Variants in TMEM254 observed in about 807,000 individuals in gnomAD.
TMEM254 encodes the protein transmembrane protein C10orf57.
A neutral mutation model predicts 13.9 loss-of-function variants in TMEM254; 16 were observed. That is an observed-to-expected ratio of 1.15 (90% CI 0.78 to 1.75). The LOEUF is 1.75. Among genes scored for constraint, TMEM254 ranks in the 40% most tolerant of loss-of-function variants. TMEM254 has a pLI of 0.00. For missense variants in TMEM254, 155 were observed against 149.0 expected (o/e 1.04, Z -0.21); for synonymous variants, 61 against 56.4 (o/e 1.08, Z -0.36).
Position 80,091,926 on chromosome 10 carries a change from T to C in TMEM254, c.*1009T>C, listed in dbSNP as rs1844587893. The C allele has an allele frequency of 6.6e-6, 1 of 152,224 alleles. No individual in the cohort carries two copies. Among genetic ancestry groups the C allele is most frequent in the Admixed American group, 6.5e-5 (1 of 15,280 alleles). The allele number at this position is 152,224 out of a possible 1,614,324, so 9.4% of individuals were successfully genotyped here. Reference sequence around the variant, plus strand: ...GAAACCTTTATCTTTTTCATACCTTTCTATTCTCAATCACTTCTCCAAAAG... The same window carrying C: ...GAAACCTTTATCTTTTTCATACCTTCCTATTCTCAATCACTTCTCCAAAAG... On this transcript the variant is annotated 3_prime_UTR_variant, in exon 4 of 4. Transcript: ENST00000372281.
In TMEM254 at chr10:80,079,049, G is replaced by C. The variant is rs760633428; in HGVS notation, c.87+263G>C. On this transcript the variant is annotated intron_variant, in intron 1 of 3. Coordinates refer to ENST00000372281, the MANE Select transcript of TMEM254 (RefSeq NM_025125.4). ...ATATGGGGGCGGGGACGGCTGGGGA[G>C]CTCCCAGCCAACTCTGTGTCTGGGT... 3 of 1,489,390 alleles carry C rather than the reference G, an allele frequency of 2.0e-6. No homozygotes were observed. The East Asian group carries it at 8.4e-5, about 42-fold the overall frequency. 92.3% of individuals were successfully genotyped at this position (1,489,390 alleles called of 1,614,324 possible).
At chr10:80,088,456 T>C (rs1371037109) in intron 3 of TMEM254, among the ~76,000 whole-genome samples, 1 of 151,872 alleles carries the variant, frequency 6.6e-6, no homozygotes, top group African/African-American at 2.4e-5. Flanking sequence ...TTTTTTTCCT[T>C]AAGGTCAGGA....
chr10:80,080,796 T>TGTG (rs1490929966), intron 1 of TMEM254, among the ~76,000 whole-genome samples: 1 of 149,488 alleles, frequency 6.7e-6, no homozygotes, highest in African/African-American at 2.5e-5. Context: ...ACACACAAAA[T>TGTG]TAGCCATGGG....
At position 80,082,337 on chromosome 10, in the gene TMEM254, A is replaced by C. The variant is rs1844081621; in HGVS notation, c.251+133A>C. The C allele has an allele frequency of 7.1e-6, 7 of 989,422 alleles. No homozygotes were observed. The South Asian group carries it at 1.1e-4, about 15-fold the overall frequency. 61.3% of individuals were successfully genotyped at this position (989,422 alleles called of 1,614,324 possible). ...GGGTAGAGCGGAATCCCCATGCCTG[A>C]TACTGAGCCTGGAGCAGAGGCAGTA... On this transcript the variant is annotated intron_variant, in intron 3 of 3. Coordinates refer to ENST00000372281, the MANE Select transcript of TMEM254 (RefSeq NM_025125.4).
chr10:80,091,789 A>G lies in TMEM254; in HGVS notation c.*872A>G, dbSNP rs766058115. 6.6e-6 allele frequency: 1 copy of G among 152,230 alleles called. No individual in the cohort carries two copies. The highest frequency in any genetic ancestry group is 1.5e-5 in the Non-Finnish European group (1 of 68,046). 9.4% of individuals were successfully genotyped at this position (152,230 alleles called of 1,614,324 possible). A position where few individuals can be genotyped will look rare whatever the true frequency, so the allele number is the denominator to read the frequency against. On this transcript the variant is annotated 3_prime_UTR_variant, in exon 4 of 4. Coordinates refer to ENST00000372281, the MANE Select transcript of TMEM254 (RefSeq NM_025125.4). The stretch of plus-strand genomic sequence containing the variant: ...ATTTCACTTTCACTTGTTCATTATC[A>G]TTCCAATTTTTATGTGAAAATGGCA...
At chr10:80,079,203 C>CGGGGGGGGGGGGG in intron 1 of TMEM254, 1 of 345,660 alleles carries the variant, frequency 2.9e-6, no homozygotes, top group Non-Finnish European at 5.1e-6. Flanking sequence ...TGGGGTGGGG[C>CGGGGGGGGGGGGG]GGGGCGGGCC....
At chr10:80,090,757 A>AT in intron 3 of TMEM254, 40 bp from the exon 4 acceptor site, 1 of 1,594,898 alleles carries the variant, frequency 6.3e-7, no homozygotes, top group Non-Finnish European at 8.5e-7. Flanking sequence ...AAACTGTAAG[A>AT]TTAACATCTC....
At chr10:80,082,289 C>A in intron 3 of TMEM254, 85 bp downstream of exon 3, 1 of 1,470,148 alleles carries the variant, frequency 6.8e-7, no homozygotes. Context: ...AGTTCACACA[C>A]TTGTAGGCTG....
intron 1 of TMEM254, among the ~76,000 whole-genome samples, chr10:80,080,122 G>C (rs767048396): frequency 2.0e-5 from 3 of 152,178 alleles, no homozygotes; most frequent in African/African-American, 7.2e-5. Context: ...CTACGATTTA[G>C]TGTCTGTGAC....
At chr10:80,084,182 C>A (rs984576778) in intron 3 of TMEM254, among the ~76,000 whole-genome samples, 1 of 152,174 alleles carries the variant, frequency 6.6e-6, no homozygotes, top group African/African-American at 2.4e-5. Context: ...TTGGCTCTTT[C>A]TCTCTAGAGG....
In TMEM254 at chr10:80,092,476, A is replaced by C. The variant is rs543287422; in HGVS notation, c.*1559A>C. The C allele has an allele frequency of 6.6e-6, 1 of 152,356 alleles. No individual in the cohort carries two copies. Among genetic ancestry groups the C allele is most frequent in the Admixed American group, 6.5e-5 (1 of 15,310 alleles). 9.4% of individuals were successfully genotyped at this position (152,356 alleles called of 1,614,324 possible). A position where few individuals can be genotyped will look rare whatever the true frequency, so the allele number is the denominator to read the frequency against. ...CTCAAAGAGAAATAATAACAGTAAT[A>C]GTGGTGCTGGGAACAATATGGCAGA... On this transcript the variant is annotated 3_prime_UTR_variant, in exon 4 of 4. Coordinates refer to ENST00000372281, the MANE Select transcript of TMEM254 (RefSeq NM_025125.4).
At chr10:80,082,855 T>C (rs866382833) in intron 3 of TMEM254, among the ~76,000 whole-genome samples, 17 of 152,332 alleles carry the variant, frequency 1.1e-4, no homozygotes, top group Middle Eastern at 3.4e-3. Flanking sequence ...GTTATGGAAA[T>C]GCCAAATTGC....
At chr10:80,086,569 G>A (rs536719278) in intron 3 of TMEM254, 9 of 169,432 alleles carry the variant, frequency 5.3e-5, no homozygotes, top group East Asian at 3.0e-4. Context: ...TTGGCTGGGC[G>A]CGGTGGCTCA....
intron 3 of TMEM254, chr10:80,090,509 C>G: frequency 1.4e-6 from 1 of 708,826 alleles, no homozygotes; most frequent in Non-Finnish European, 2.6e-6. Context: ...GCTTTTTACT[C>G]CATCCGCTCA....
intron 3 of TMEM254, among the ~76,000 whole-genome samples, chr10:80,082,837 A>G (rs1844111475): frequency 1.3e-5 from 2 of 152,218 alleles, no homozygotes; most frequent in Non-Finnish European, 2.9e-5. Flanking sequence ...GGTACAATGA[A>G]AAACATGGTT....
chr10:80,082,707 A>G (rs1355874145), intron 3 of TMEM254, among the ~76,000 whole-genome samples: 2 of 152,150 alleles, frequency 1.3e-5, no homozygotes, highest in Non-Finnish European at 2.9e-5. Context: ...CTAGGATGCA[A>G]TGCTAGTTAA....
intron 3 of TMEM254, among the ~76,000 whole-genome samples, chr10:80,089,683 G>GA (rs201952824): frequency 3.3e-5 from 5 of 151,468 alleles, no homozygotes; most frequent in Non-Finnish European, 7.4e-5. Flanking sequence ...ATCTCTGGGG[G>GA]GGTTGGAAAA....
intron 2 of TMEM254, 53 bp from the exon 3 acceptor site, chr10:80,082,092 C>A: frequency 6.2e-7 from 1 of 1,600,562 alleles, no homozygotes; most frequent in East Asian, 2.2e-5. Flanking sequence ...TGTTAGATTT[C>A]ATCAGCAGAT....
At chr10:80,082,059 C>A in intron 2 of TMEM254, 86 bp from the exon 3 acceptor site, 1 of 1,574,530 alleles carries the variant, frequency 6.4e-7, no homozygotes, top group Non-Finnish European at 8.7e-7. Context: ...CACCTTAAGG[C>A]ACTTTTCTTT....
Sources: allele counts gnomAD v4.1 joint callset (sites outside exome capture counted in the v4.1 genomes callset), GRCh38; gene constraint gnomAD v4.1.1; transcripts MANE v1.5; gene names NCBI Gene and HGNC (gene_info 2026-07-23, HGNC 2026-07-21).